Variants in SLC7A11 observed in about 807,000 individuals in gnomAD.
SLC7A11 encodes the protein cystine/glutamate transporter.
SLC7A11 carries 35 observed loss-of-function variants against 54.5 expected under a neutral mutation model. The observed-to-expected ratio is 0.64, with a 90% confidence interval of 0.49 to 0.85. SLC7A11 has a LOEUF of 0.85. SLC7A11 is among the 40% of genes least tolerant of loss of function. The probability of loss-of-function intolerance (pLI) is 0.00; values close to 1 mark genes in which losing one functional copy is unlikely to be tolerated. For missense variants in SLC7A11, 583 were observed against 618.1 expected, an observed-to-expected ratio of 0.94 and a Z score of 0.60; for synonymous variants, 230 against 225.2, an observed-to-expected ratio of 1.02 and a Z score of -0.19.
Position 138,225,171 on chromosome 4 carries a change from T to TATATATATAA in SLC7A11, c.521-1848_521-1847insTTATATATAT, listed in dbSNP as rs1491164718. Among the ~76,000 whole-genome samples the TATATATATAA allele has an allele frequency of 6.1e-5, 8 of 131,484 alleles. No individual in the cohort carries two copies. The East Asian group carries it at 1.4e-3, about 22-fold the overall frequency. The allele number at this position is 131,484 out of a possible 152,430, so 86.3% of individuals were successfully genotyped here. A position where few individuals can be genotyped will look rare whatever the true frequency, so the allele number is the denominator to read the frequency against. ...ATATATATATATATATATATATATA[T>TATATATATAA]AAATAAAATCATTACATTGTACACC... On this transcript the variant is annotated intron_variant, in intron 3 of 11. Coordinates refer to ENST00000280612, the MANE Select transcript of SLC7A11 (RefSeq NM_014331.4).
intron 11 of SLC7A11, among the ~76,000 whole-genome samples, chr4:138,175,475 G>T (rs1736546581): frequency 6.6e-6 from 1 of 152,058 alleles, no homozygotes; most frequent in Non-Finnish European, 1.5e-5. Context: ...TGCTATCTTT[G>T]TGTATTTGCA....
intron 3 of SLC7A11, among the ~76,000 whole-genome samples, chr4:138,225,078 G>A (rs993688915): frequency 2.8e-4 from 41 of 146,474 alleles, no homozygotes; most frequent in African/African-American, 9.0e-4. Flanking sequence ...ACAAAAAAAA[G>A]AGGGGTAACT....
intron 2 of SLC7A11, among the ~76,000 whole-genome samples, chr4:138,233,881 C>T (rs1400922959): frequency 6.6e-6 from 1 of 152,190 alleles, no homozygotes; most frequent in Non-Finnish European, 1.5e-5. Flanking sequence ...TATGAATCTT[C>T]TCTGCCTGCA....
In SLC7A11 at chr4:138,215,262, A is replaced by C. The variant is rs980850067; in HGVS notation, c.747-633T>G. On this transcript the variant is annotated intron_variant, in intron 5 of 11. Transcript: ENST00000280612. ...AAATAAAAAAAATCATATATTCAAT[A>C]TAATCTTCCATTATCTTATTATTAT... Among the ~76,000 whole-genome samples the C allele has an allele frequency of 2.0e-5, 3 of 152,196 alleles. No homozygotes were observed. In the East Asian group the frequency reaches 5.8e-4, roughly 29 times the overall value.
chr4:138,164,875 A>AAGTT lies in SLC7A11; in HGVS notation c.*7077_*7080dup, dbSNP rs989385961. On this transcript the variant is annotated 3_prime_UTR_variant, in exon 12 of 12. Coordinates refer to ENST00000280612, the MANE Select transcript of SLC7A11 (RefSeq NM_014331.4). ...GTCATAACTAATGCATTCCAGATCC[A>AAGTT]AGTTAGGGATTTAGCTGGTCTATAA... 5 of 152,134 alleles carry AAGTT rather than the reference A, an allele frequency of 3.3e-5. No individual in the cohort carries two copies. The highest frequency in any genetic ancestry group is 2.0e-4 in the Admixed American group (3 of 15,258). 9.4% of individuals were successfully genotyped at this position (152,134 alleles called of 1,614,324 possible).
rs148168678 is a variant in SLC7A11 at position 138,189,809 on chromosome 4, G to A, written c.792-4565C>T. Among the ~76,000 whole-genome samples the A allele has an allele frequency of 4.1e-4, 62 of 151,988 alleles. 1 individual carries two copies. Among genetic ancestry groups the A allele is most frequent in the African/African-American group, 1.3e-3 (55 of 41,382 alleles). The stretch of plus-strand genomic sequence containing the variant: ...CTATTGTTTCCAGTGCATCATTTTC[G>A]CTAAAAGTGATCCTTGCTATGAAAA... On this transcript the variant is annotated intron_variant, in intron 6 of 11. Coordinates refer to ENST00000280612, the MANE Select transcript of SLC7A11 (RefSeq NM_014331.4).
At position 138,242,018 on chromosome 4, in the gene SLC7A11, C is replaced by T. The variant is rs779522788; in HGVS notation, c.52G>A (p.Gly18Arg). 3 of 1,614,118 alleles carry T rather than the reference C, an allele frequency of 1.9e-6. No homozygotes were observed. Among genetic ancestry groups the T allele is most frequent in the Non-Finnish European group, 2.5e-6 (3 of 1,180,000 alleles). ...STISKGGYLQGNVNGRLPSLG... is the reference protein window; with the variant it reads ...STISKGGYLQRNVNGRLPSLG... ...GAAGGCAGCCTCCCGTTAACATTTC[C>T]CTGCAGGTAACCTCCTTTGGAGATG... Residue 18 changes from glycine to arginine, a missense_variant, in exon 1 of 12, where the codon GGA (glycine) becomes AGA (arginine). Gly to Arg is a moderately radical substitution (Grantham distance 125). Transcript: ENST00000280612.
chr4:138,207,768 A>G (rs1737443076), intron 6 of SLC7A11, among the ~76,000 whole-genome samples: 1 of 152,108 alleles, frequency 6.6e-6, no homozygotes, highest in South Asian at 2.1e-4. Context: ...GCAAGATAAA[A>G]GGCTTCAATT....
At chr4:138,203,983 C>T (rs762829534) in intron 6 of SLC7A11, among the ~76,000 whole-genome samples, 19 of 152,066 alleles carry the variant, frequency 1.2e-4, no homozygotes, top group Non-Finnish European at 2.1e-4. Flanking sequence ...AGTCTACATA[C>T]TATTCCCTAA....
At chr4:138,185,430 T>C in intron 6 of SLC7A11, among the ~76,000 whole-genome samples, 186 bp from the exon 7 acceptor site, 1 of 152,112 alleles carries the variant, frequency 6.6e-6, no homozygotes, top group East Asian at 1.9e-4. Context: ...CTTAATAAGG[T>C]CCATGGGGGC....
intron 3 of SLC7A11, among the ~76,000 whole-genome samples, chr4:138,230,761 T>C (rs1159909830): frequency 6.6e-6 from 1 of 152,194 alleles, no homozygotes; most frequent in African/African-American, 2.4e-5. Flanking sequence ...GGAAATATAC[T>C]GAAGATATCT....
At chr4:138,209,011 T>C (rs1737478033) in intron 6 of SLC7A11, among the ~76,000 whole-genome samples, 3 of 152,046 alleles carry the variant, frequency 2.0e-5, no homozygotes, top group Non-Finnish European at 2.9e-5. Flanking sequence ...CTACTTATAA[T>C]AGCAGCTCAA....
At chr4:138,186,790 AGG>A (rs1301264180) in intron 6 of SLC7A11, among the ~76,000 whole-genome samples, 1 of 152,190 alleles carries the variant, frequency 6.6e-6, no homozygotes, top group Non-Finnish European at 1.5e-5. Flanking sequence ...TAAATGCAAA[AGG>A]GTAAGAAGGA....
chr4:138,193,418 G>A (rs1449217156), intron 6 of SLC7A11, among the ~76,000 whole-genome samples: 1 of 152,106 alleles, frequency 6.6e-6, no homozygotes. Context: ...CAGTAGTTGA[G>A]GTAGGTTTTA....
intron 3 of SLC7A11, among the ~76,000 whole-genome samples, chr4:138,228,571 A>T (rs2148450233): frequency 6.6e-6 from 1 of 152,002 alleles, no homozygotes; most frequent in Middle Eastern, 3.4e-3. Context: ...ATCCTGGCTA[A>T]CATGGTGAAA....
rs1183130165 is a variant in SLC7A11, at chr4:138,167,198, C to A, written c.*4758G>T. ...AAGTCTCGCGCTCTTGTCCCCTAGG[C>A]TGGAGTGCAATGATGCGATCTTGGC... is the stretch of plus-strand genomic sequence containing the variant. On this transcript the variant is annotated 3_prime_UTR_variant, in exon 12 of 12. Coordinates refer to ENST00000280612, the MANE Select transcript of SLC7A11 (RefSeq NM_014331.4). 1 of 124,626 alleles carries A rather than the reference C, an allele frequency of 8.0e-6. No homozygotes were observed. Among genetic ancestry groups the A allele is most frequent in the Non-Finnish European group, 1.6e-5 (1 of 63,870 alleles). 7.7% of individuals were successfully genotyped at this position (124,626 alleles called of 1,614,324 possible).
In SLC7A11 at chr4:138,169,793, C is replaced by A. The variant is rs1214145897; in HGVS notation, c.*2163G>T. Reference sequence around the variant, plus strand: ...AACATATCATAGGGAGAGATGTGGACAAATGAACAATATTTACTGGAAATA... The same window carrying A: ...AACATATCATAGGGAGAGATGTGGAAAAATGAACAATATTTACTGGAAATA... On this transcript the variant is annotated 3_prime_UTR_variant, in exon 12 of 12. Coordinates refer to ENST00000280612, the MANE Select transcript of SLC7A11 (RefSeq NM_014331.4). 6.6e-6 allele frequency: 1 copy of A among 151,542 alleles called. No homozygotes were observed. The highest frequency in any genetic ancestry group is 1.5e-5 in the Non-Finnish European group (1 of 67,906). The allele number at this position is 151,542 out of a possible 1,614,324, so 9.4% of individuals were successfully genotyped here.
intron 6 of SLC7A11, among the ~76,000 whole-genome samples, chr4:138,207,093 T>C (rs994256172): frequency 3.3e-5 from 5 of 151,732 alleles, no homozygotes; most frequent in Non-Finnish European, 5.9e-5. Flanking sequence ...ATAATTCTAA[T>C]GATGTCATAT....
In SLC7A11 at chr4:138,179,334, G is replaced by A. The variant is rs1400580222; in HGVS notation, c.1327C>T (p.Leu443Phe). ...FTCLFMVALS[L>F]YSDPFSTGIG... ...CCTGTACTAAATGGGTCCGAATAGA[G>A]GGAAAGGGCAACCATGAAGAGGCAT... Residue 443 changes from leucine to phenylalanine, a missense_variant, in exon 11 of 12, where the codon CTC becomes TTC. Coordinates refer to ENST00000280612, the MANE Select transcript of SLC7A11 (RefSeq NM_014331.4). 6.2e-7 allele frequency: 1 copy of A among 1,612,676 alleles called. No homozygotes were observed. The highest frequency in any genetic ancestry group is 8.5e-7 in the Non-Finnish European group (1 of 1,179,236).
Sources: allele counts gnomAD v4.1 joint callset (sites outside exome capture counted in the v4.1 genomes callset), GRCh38; gene constraint gnomAD v4.1.1; transcripts MANE v1.5; gene names NCBI Gene and HGNC (gene_info 2026-07-23, HGNC 2026-07-21).